The following KSR1 variants were observed in gnomAD, a reference collection of about 807,000 sequenced individuals.
KSR1 encodes kinase suppressor of ras.
Under a neutral mutation model 92.9 loss-of-function variants are expected in KSR1, and 35 were observed. The ratio of observed to expected loss-of-function variants is 0.38; its 90% CI spans 0.29 to 0.50. The LOEUF (loss-of-function observed/expected upper bound fraction) is 0.50, where lower values mean the gene tolerates loss of function less well. Among genes scored for constraint, KSR1 ranks in the 20% least tolerant of loss-of-function variants. The pLI is 0.94. For synonymous variants in KSR1, 467 were observed against 472.6 expected (o/e 0.99, Z 0.15); for missense variants, 972 against 1,158.5 (o/e 0.84, Z 2.34).
At chr17:27,509,246 C>T (rs958308133) in intron 1 of KSR1, among the ~76,000 whole-genome samples, 3 of 152,114 alleles carry the variant, frequency 2.0e-5, no homozygotes, top group Non-Finnish European at 4.4e-5. Flanking sequence ...TGCAGTGGCT[C>T]ATGCCTGTAA....
chr17:27,477,203 C>T (rs2068373214), intron 1 of KSR1, among the ~76,000 whole-genome samples: 2 of 152,154 alleles, frequency 1.3e-5, no homozygotes, highest in African/African-American at 4.8e-5. Flanking sequence ...TTTGCTGCAA[C>T]CTGTTTTATC....
At chr17:27,556,356 G>C (rs1055074482) in intron 2 of KSR1, among the ~76,000 whole-genome samples, 12 of 152,004 alleles carry the variant, frequency 7.9e-5, no homozygotes. Context: ...TGGGACTGCA[G>C]ATGTGCGCAC....
At position 27,459,541 on chromosome 17, in the gene KSR1, C is replaced by A. The variant is rs1391633276; in HGVS notation, c.231+2667C>A. ...GGGCCAGGCAGGCAAGTGGCAGTGT[C>A]CACTCCAGCGTTCTTTCCTGTTCTG... is the stretch of plus-strand genomic sequence containing the variant. On this transcript the variant is annotated intron_variant, in intron 1 of 20. Coordinates refer to ENST00000644974, the MANE Select transcript of KSR1 (RefSeq NM_001394583.1). The surrounding 1 kb of genome is among the most constrained non-coding windows in gnomAD (Gnocchi z 4.6). Among the ~76,000 whole-genome samples, 1 of 152,248 alleles carries A rather than the reference C, an allele frequency of 6.6e-6. No individual in the cohort carries two copies.
Position 27,581,404 on chromosome 17 carries a change from C to G in KSR1, c.521-1242C>G, listed in dbSNP as rs984541954. ...ATCTGGCCCCACTAGGCTGACCCCCCCAGCTTCATCCCTTGCCTCTCCCCA... is the reference window on the plus strand; with the variant it reads ...ATCTGGCCCCACTAGGCTGACCCCCGCAGCTTCATCCCTTGCCTCTCCCCA... On this transcript the variant is annotated intron_variant, in intron 3 of 20. Coordinates refer to ENST00000644974, the MANE Select transcript of KSR1 (RefSeq NM_001394583.1). Among the ~76,000 whole-genome samples, 3 of 152,144 alleles carry G rather than the reference C, an allele frequency of 2.0e-5. No homozygotes were observed. The East Asian group carries it at 5.8e-4, about 29-fold the overall frequency.
chr17:27,610,049 C>T lies in KSR1; in HGVS notation c.2226-18C>T, dbSNP rs761277012. The stretch of plus-strand genomic sequence containing the variant: ...TGCTGAAAGGCCTGTGTCCTTGTCC[C>T]GGCTTCCTGGTCTCCAGGCGTGAGA... On this transcript the variant is annotated intron_variant, in intron 16 of 20. Coordinates refer to ENST00000644974, the MANE Select transcript of KSR1 (RefSeq NM_001394583.1). The T allele has an allele frequency of 8.1e-6, 13 of 1,613,308 alleles. No individual in the cohort carries two copies. Among genetic ancestry groups the T allele is most frequent in the South Asian group, 4.4e-5 (4 of 91,024 alleles).
chr17:27,543,300 G>T (rs1355497794), intron 1 of KSR1, among the ~76,000 whole-genome samples: 2 of 152,210 alleles, frequency 1.3e-5, no homozygotes, highest in Non-Finnish European at 2.9e-5. Flanking sequence ...CCATGGGTAG[G>T]TTGCCTGGGA....
chr17:27,527,065 C>A lies in KSR1; in HGVS notation c.232-23503C>A. On this transcript the variant is annotated intron_variant, in intron 1 of 20. Coordinates refer to ENST00000644974, the MANE Select transcript of KSR1 (RefSeq NM_001394583.1). Reference sequence around the variant, plus strand: ...TCGGCTGAGAGTTGCATTCGTGGGTCAGCGCCTGCAGGTACATTGATTGCT... The same window carrying A: ...TCGGCTGAGAGTTGCATTCGTGGGTAAGCGCCTGCAGGTACATTGATTGCT... 3 of 440,394 alleles carry A rather than the reference C, an allele frequency of 6.8e-6. No homozygotes were observed. The South Asian group carries it at 7.6e-5, about 11-fold the overall frequency. The allele number at this position is 440,394 out of a possible 1,614,324, so 27.3% of individuals were successfully genotyped here.
In KSR1 at chr17:27,622,999, G is replaced by T. The variant is rs2074266436; in HGVS notation, c.2709-315G>T. 4 of 401,490 alleles carry T rather than the reference G, an allele frequency of 1.0e-5. No homozygotes were observed. In the Admixed American group the frequency reaches 1.8e-4, roughly 18 times the overall value. 24.9% of individuals were successfully genotyped at this position (401,490 alleles called of 1,614,324 possible). On this transcript the variant is annotated intron_variant, in intron 20 of 20. Coordinates refer to ENST00000644974, the MANE Select transcript of KSR1 (RefSeq NM_001394583.1). Reference sequence around the variant, plus strand: ...TTCTCTTCTCTCTCAGTTCTACTTGGAGCAAGAGCTTTCCTGGGCTGCAAA... The same window carrying T: ...TTCTCTTCTCTCTCAGTTCTACTTGTAGCAAGAGCTTTCCTGGGCTGCAAA...
intron 1 of KSR1, among the ~76,000 whole-genome samples, chr17:27,518,110 C>A (rs1037850979): frequency 3.3e-4 from 50 of 152,144 alleles, no homozygotes; most frequent in African/African-American, 1.2e-3. Context: ...ATGCAGTAGG[C>A]TGTTAGAGAT....
At chr17:27,580,107 C>T (rs1437146468) in intron 3 of KSR1, among the ~76,000 whole-genome samples, 1 of 152,062 alleles carries the variant, frequency 6.6e-6, no homozygotes, top group East Asian at 1.9e-4. Flanking sequence ...CTCAAGTGGG[C>T]CTAGAGCAGT....
rs573463277 is a variant in KSR1 at position 27,484,116 on chromosome 17, C to T, written c.231+27242C>T. Among the ~76,000 whole-genome samples the T allele has an allele frequency of 2.3e-4, 35 of 152,272 alleles. 2 individuals are homozygous for T. In the South Asian group the frequency reaches 7.3e-3, roughly 32 times the overall value. On this transcript the variant is annotated intron_variant, in intron 1 of 20. Coordinates refer to ENST00000644974, the MANE Select transcript of KSR1 (RefSeq NM_001394583.1). ...ATATTTGCTGGAAGCAGACAGAGAGCAGTGAGGTGCCAGTGACCTTGGTCA... is the reference window on the plus strand; with the variant it reads ...ATATTTGCTGGAAGCAGACAGAGAGTAGTGAGGTGCCAGTGACCTTGGTCA...
chr17:27,597,886 C>T (rs1476248642), intron 10 of KSR1, among the ~76,000 whole-genome samples: 2 of 152,216 alleles, frequency 1.3e-5, no homozygotes. Flanking sequence ...TCTGGGTAAG[C>T]TCCTTCAAGG....
intron 1 of KSR1, among the ~76,000 whole-genome samples, chr17:27,477,418 A>T (rs1014059955): frequency 6.6e-6 from 1 of 152,122 alleles, no homozygotes; most frequent in Non-Finnish European, 1.5e-5. Flanking sequence ...ACCTCCTATT[A>T]TACAGGGAAC....
At chr17:27,608,851 G>A (rs926127364) in intron 15 of KSR1, among the ~76,000 whole-genome samples, 2 of 152,172 alleles carry the variant, frequency 1.3e-5, no homozygotes, top group Non-Finnish European at 2.9e-5. Context: ...CTTTATGACT[G>A]TACACTGATA....
chr17:27,575,517 C>T (rs1458447576), intron 2 of KSR1, among the ~76,000 whole-genome samples: 2 of 152,174 alleles, frequency 1.3e-5, no homozygotes, highest in Admixed American at 1.3e-4. Flanking sequence ...TTTAGCTCAT[C>T]CTGTTTTATC....
At chr17:27,517,716 A>C (rs2069857430) in intron 1 of KSR1, among the ~76,000 whole-genome samples, 1 of 152,246 alleles carries the variant, frequency 6.6e-6, no homozygotes, top group African/African-American at 2.4e-5. Flanking sequence ...TGAGGATTGA[A>C]GGTAGATTGG....
At chr17:27,483,358 C>T (rs1198949506) in intron 1 of KSR1, among the ~76,000 whole-genome samples, 2 of 152,092 alleles carry the variant, frequency 1.3e-5, no homozygotes, top group South Asian at 2.1e-4. Flanking sequence ...GAGGCCAAGA[C>T]GGGTGGATCA....
intron 19 of KSR1, among the ~76,000 whole-genome samples, chr17:27,619,988 G>A (rs1451046488): frequency 1.3e-5 from 2 of 152,204 alleles, no homozygotes; most frequent in Non-Finnish European, 2.9e-5. Flanking sequence ...ATGAGCCACC[G>A]CGCCCGGCCT....
intron 1 of KSR1, among the ~76,000 whole-genome samples, chr17:27,487,949 C>A (rs1162881999): frequency 6.6e-6 from 1 of 152,188 alleles, no homozygotes; most frequent in African/African-American, 2.4e-5. Context: ...CCCCATGACC[C>A]AGCCACCTTC....
Sources: allele counts gnomAD v4.1 joint callset (sites outside exome capture counted in the v4.1 genomes callset), GRCh38; gene constraint gnomAD v4.1.1; non-coding constraint Gnocchi (gnomAD v3.1); transcripts MANE v1.5; gene names NCBI Gene and HGNC (gene_info 2026-07-23, HGNC 2026-07-21).